The following PTGER3 variants were observed in gnomAD, a reference collection of about 807,000 sequenced individuals.
The protein encoded by PTGER3 is prostaglandin E2 receptor EP3 subtype.
In PTGER3, 22 loss-of-function variants were observed where a neutral mutation model predicts 34.7. That is an observed-to-expected ratio of 0.63 (90% CI 0.45 to 0.91). The LOEUF (loss-of-function observed/expected upper bound fraction) is 0.91, where lower values mean the gene tolerates loss of function less well. Among genes scored for constraint, PTGER3 ranks in the 40% least tolerant of loss-of-function variants. The pLI, the probability that PTGER3 is intolerant of heterozygous loss-of-function variation, is 0.00. For synonymous variants in PTGER3, 241 were observed against 230.1 expected, an observed-to-expected ratio of 1.05 and a Z score of -0.43; for missense variants, 468 against 519.4, an observed-to-expected ratio of 0.90 and a Z score of 0.96.
At chr1:71,033,630 C>T (rs1456795194) in intron 1 of PTGER3, among the ~76,000 whole-genome samples, 1 of 152,126 alleles carries the variant, frequency 6.6e-6, no homozygotes, top group Non-Finnish European at 1.5e-5. Flanking sequence ...TGATTGCATG[C>T]ATGGATAAAT....
In PTGER3 at chr1:71,005,684, C is replaced by T. The variant is rs78548769; in HGVS notation, c.1077+6621G>A. Reference sequence around the variant, plus strand: ...AGTGACTTAAATTCTCCATGACAAACATCCATCCAGAATGGATTTACTCAA... The same window carrying T: ...AGTGACTTAAATTCTCCATGACAAATATCCATCCAGAATGGATTTACTCAA... On this transcript the variant is annotated intron_variant, in intron 2 of 3. Transcript: ENST00000306666. 5.9e-3 allele frequency among the ~76,000 whole-genome samples: 901 copies of T among 152,260 alleles called. 5 individuals are homozygous for T. Among genetic ancestry groups the T allele is most frequent in the Admixed American group, 9.5e-3 (145 of 15,290 alleles).
At chr1:70,985,001 G>A (rs969095297) in intron 2 of PTGER3, among the ~76,000 whole-genome samples, 6 of 152,012 alleles carry the variant, frequency 3.9e-5, no homozygotes, top group Admixed American at 6.5e-5. Context: ...CTTCCATCAC[G>A]ACAGCCCTAG....
At chr1:70,941,133 T>C (rs906221167) in intron 4 of PTGER3, among the ~76,000 whole-genome samples, 2 of 152,196 alleles carry the variant, frequency 1.3e-5, no homozygotes, top group African/African-American at 4.8e-5. Context: ...TGACAGTGCA[T>C]ATCTAATGCA....
chr1:70,892,926 C>T (rs1646649646), intron 4 of PTGER3, among the ~76,000 whole-genome samples: 1 of 151,744 alleles, frequency 6.6e-6, no homozygotes, highest in South Asian at 2.1e-4. Flanking sequence ...AATAATACTG[C>T]ATCTACAGCA....
intron 2 of PTGER3, chr1:71,011,055 A>C: frequency 1.0e-6 from 1 of 985,712 alleles, no homozygotes; most frequent in South Asian, 4.7e-5. Context: ...TTGTGTAGGC[A>C]TAACTACAGG....
At chr1:70,973,059 G>A (rs1018187371) in intron 3 of PTGER3, among the ~76,000 whole-genome samples, 12 of 117,224 alleles carry the variant, frequency 1.0e-4, no homozygotes, top group Middle Eastern at 4.3e-3. Context: ...ATCTCTCTTC[G>A]TTTCCCTTCA....
At position 71,047,599 on chromosome 1, in the gene PTGER3, G is replaced by A. The variant is rs1186507089; in HGVS notation, c.-22C>T. 6.6e-7 allele frequency: 1 copy of A among 1,503,970 alleles called. No homozygotes were observed. The highest frequency in any genetic ancestry group is 2.2e-5 in the Admixed American group (1 of 46,162). The allele number at this position is 1,503,970 out of a possible 1,614,324, so 93.2% of individuals were successfully genotyped here. ...TCATGTTGGCTTCGAGGTGAGGAGGGGATGGCGTCCAGAGAGCCGCAGCGG... is the reference window on the plus strand; with the variant it reads ...TCATGTTGGCTTCGAGGTGAGGAGGAGATGGCGTCCAGAGAGCCGCAGCGG... On this transcript the variant is annotated 5_prime_UTR_variant, in exon 1 of 4. Transcript: ENST00000306666.
At chr1:70,998,878 C>A (rs997464933) in intron 2 of PTGER3, among the ~76,000 whole-genome samples, 10 of 152,038 alleles carry the variant, frequency 6.6e-5, no homozygotes, top group Admixed American at 6.6e-4. Flanking sequence ...TGGATAAGTA[C>A]CATATTTAAA....
At chr1:70,997,397 A>G (rs1656089654) in intron 2 of PTGER3, among the ~76,000 whole-genome samples, 1 of 152,218 alleles carries the variant, frequency 6.6e-6, no homozygotes, top group African/African-American at 2.4e-5. Flanking sequence ...GTTATTCATG[A>G]TAGATTTATT....
downstream of PTGER3, among the ~76,000 whole-genome samples, chr1:70,966,913 T>A (rs932253958): frequency 6.6e-6 from 1 of 152,184 alleles, no homozygotes; most frequent in Admixed American, 6.5e-5. Flanking sequence ...TAAACATACA[T>A]GTTCATGTGT....
chr1:71,004,900 G>A (rs1009288841), intron 2 of PTGER3, among the ~76,000 whole-genome samples: 1 of 152,180 alleles, frequency 6.6e-6, no homozygotes, highest in Non-Finnish European at 1.5e-5. Context: ...TGCTGCTTCA[G>A]GAAATGCCAG....
At chr1:70,920,300 G>A (rs1467152073) in intron 4 of PTGER3, among the ~76,000 whole-genome samples, 1 of 152,078 alleles carries the variant, frequency 6.6e-6, no homozygotes, top group East Asian at 1.9e-4. Flanking sequence ...CCAGACTTGT[G>A]GTTACTTTCT....
At chr1:70,898,583 G>T (rs1173563207) in intron 4 of PTGER3, among the ~76,000 whole-genome samples, 1 of 152,148 alleles carries the variant, frequency 6.6e-6, no homozygotes, top group South Asian at 2.1e-4. Context: ...TAGTGGTCAT[G>T]AGCACAGTCT....
At position 70,979,086 on chromosome 1, in the gene PTGER3, A is replaced by G. The variant is rs187931616; in HGVS notation, c.1078-4698T>C. Among the ~76,000 whole-genome samples the G allele has an allele frequency of 6.6e-4, 101 of 152,258 alleles. 1 individual carries two copies. Among genetic ancestry groups the G allele is most frequent in the Non-Finnish European group, 1.3e-3 (88 of 68,012 alleles). ...AAGTATAGATAACTGAGCAGGGTTAAAAGACTAAAACATGTGAGCTAGCCA... is the reference window on the plus strand; with the variant it reads ...AAGTATAGATAACTGAGCAGGGTTAGAAGACTAAAACATGTGAGCTAGCCA... On this transcript the variant is annotated intron_variant, in intron 2 of 3. Transcript: ENST00000306666.
intron 4 of PTGER3, among the ~76,000 whole-genome samples, chr1:70,884,728 A>C (rs1646461016): frequency 6.6e-6 from 1 of 151,834 alleles, no homozygotes; most frequent in Admixed American, 6.6e-5. Flanking sequence ...AAATTAATAC[A>C]CTCTCTAACT....
chr1:70,901,250 T>A (rs956594901), intron 4 of PTGER3, among the ~76,000 whole-genome samples: 2 of 152,124 alleles, frequency 1.3e-5, no homozygotes, highest in Non-Finnish European at 2.9e-5. Context: ...ATCTAAGCTG[T>A]CCCTAAATTC....
At chr1:70,956,991 T>C (rs1285196366) in intron 2 of PTGER3, among the ~76,000 whole-genome samples, 1 of 152,166 alleles carries the variant, frequency 6.6e-6, no homozygotes, top group African/African-American at 2.4e-5. Flanking sequence ...CAAGACTCTG[T>C]CTTAATAATA....
intron 1 of PTGER3, among the ~76,000 whole-genome samples, chr1:71,036,708 G>A (rs1336643370): frequency 6.6e-6 from 1 of 151,734 alleles, no homozygotes; most frequent in Non-Finnish European, 1.5e-5. Flanking sequence ...GTGTGGTGGT[G>A]GGCTCCTGTA....
At chr1:70,858,716 C>T (rs112411875) in intron 4 of PTGER3, among the ~76,000 whole-genome samples, 4 of 152,148 alleles carry the variant, frequency 2.6e-5, no homozygotes, top group African/African-American at 9.7e-5. Flanking sequence ...TCAATATGCC[C>T]TGGGGTCCAG....
Sources: allele counts gnomAD v4.1 joint callset (sites outside exome capture counted in the v4.1 genomes callset), GRCh38; gene constraint gnomAD v4.1.1; transcripts MANE v1.5; gene names NCBI Gene and HGNC (gene_info 2026-07-23, HGNC 2026-07-21).